INPP4B: variants seen among roughly 807,000 people sequenced by gnomAD.
The protein encoded by INPP4B is inositol polyphosphate-4-phosphatase type II B.
A neutral mutation model predicts 122.5 loss-of-function variants in INPP4B; 55 were observed. That is an observed-to-expected ratio of 0.45 (90% CI 0.36 to 0.56). The LOEUF (loss-of-function observed/expected upper bound fraction) is 0.56, where lower values mean the gene tolerates loss of function less well. Among genes scored for constraint, INPP4B ranks in the 20% least tolerant of loss-of-function variants. The pLI, the probability that INPP4B is intolerant of heterozygous loss-of-function variation, is 0.00. For synonymous variants in INPP4B, 403 were observed against 388.7 expected (o/e 1.04, Z -0.43); for missense variants, 1,000 against 1,097.7 (o/e 0.91, Z 1.26).
chr4:142,275,229 G>T lies in INPP4B; in HGVS notation c.504-4455C>A, dbSNP rs561728450. ...TCAAAACTTCTTTCTCACCAATTCT[G>T]CCATCATTAATAGAGGGAAAAAAAG... is the stretch of plus-strand genomic sequence containing the variant. On this transcript the variant is annotated intron_variant, in intron 9 of 25. Coordinates refer to ENST00000262992, the MANE Select transcript of INPP4B (RefSeq NM_001101669.3). Among the ~76,000 whole-genome samples, 165 of 151,628 alleles carry T rather than the reference G, an allele frequency of 1.1e-3. 1 individual carries two copies. The highest frequency in any genetic ancestry group is 3.9e-3 in the African/African-American group (163 of 41,448).
At chr4:142,549,992 T>C (rs1727583151) in intron 2 of INPP4B, among the ~76,000 whole-genome samples, 1 of 152,138 alleles carries the variant, frequency 6.6e-6, no homozygotes, top group Non-Finnish European at 1.5e-5. Flanking sequence ...AAAAGCCAGG[T>C]GCATTTGAGC....
In INPP4B at chr4:142,142,078, C is replaced by T. The variant is rs371514878; in HGVS notation, c.1720+3762G>A. On this transcript the variant is annotated intron_variant, in intron 18 of 25. Coordinates refer to ENST00000262992, the MANE Select transcript of INPP4B (RefSeq NM_001101669.3). ...CTAACAAATGATGCTGCAACAAATG[C>T]TTATCAGTATTTATCATATCATACA... 1.5e-4 allele frequency among the ~76,000 whole-genome samples: 23 copies of T among 152,056 alleles called. No individual in the cohort carries two copies. In the East Asian group the frequency reaches 3.9e-3, roughly 26 times the overall value.
intron 1 of INPP4B, among the ~76,000 whole-genome samples, chr4:142,806,981 A>G (rs994360624): frequency 6.6e-6 from 1 of 152,272 alleles, no homozygotes; most frequent in East Asian, 1.9e-4. Context: ...GCCCCTCAAC[A>G]TGTTCATCCG....
chr4:142,518,357 A>G (rs1267876858), intron 2 of INPP4B, among the ~76,000 whole-genome samples: 1 of 152,202 alleles, frequency 6.6e-6, no homozygotes, highest in Non-Finnish European at 1.5e-5. Flanking sequence ...CACAAACATT[A>G]ATATAAAAAA....
At chr4:142,428,081 T>A (rs908362926) in intron 5 of INPP4B, among the ~76,000 whole-genome samples, 43 of 151,798 alleles carry the variant, frequency 2.8e-4, no homozygotes, top group African/African-American at 9.9e-4. Context: ...CTATATTTTT[T>A]AAAAATAATG....
At chr4:142,206,706 C>A (rs1391028238) in intron 14 of INPP4B, among the ~76,000 whole-genome samples, 3 of 151,930 alleles carry the variant, frequency 2.0e-5, no homozygotes, top group African/African-American at 7.2e-5. Context: ...ACTCTTTAAA[C>A]CATTACCACG....
At chr4:142,515,332 G>A (rs1825287549) in intron 2 of INPP4B, among the ~76,000 whole-genome samples, 2 of 152,116 alleles carry the variant, frequency 1.3e-5, no homozygotes, top group South Asian at 4.1e-4. Context: ...CAGACTTCTT[G>A]TCAAGTTTCC....
At chr4:142,499,932 G>A (rs1020516686) in intron 2 of INPP4B, among the ~76,000 whole-genome samples, 6 of 152,000 alleles carry the variant, frequency 3.9e-5, no homozygotes, top group East Asian at 3.9e-4. Flanking sequence ...TAATACAACC[G>A]TCGCTGAAAA....
intron 22 of INPP4B, among the ~76,000 whole-genome samples, chr4:142,109,099 C>T (rs886154212): frequency 6.6e-6 from 1 of 151,848 alleles, no homozygotes; most frequent in Admixed American, 6.6e-5. Context: ...CCTCACCTTA[C>T]CCACTATTCC....
chr4:142,799,245 CT>C (rs1777686986), intron 1 of INPP4B, among the ~76,000 whole-genome samples: 1 of 151,726 alleles, frequency 6.6e-6, no homozygotes, highest in African/African-American at 2.4e-5. Context: ...TTACTTTCTC[CT>C]CATTACTTTC....
At chr4:142,737,683 G>A (rs983916615) in intron 1 of INPP4B, among the ~76,000 whole-genome samples, 23 of 152,034 alleles carry the variant, frequency 1.5e-4, no homozygotes, top group African/African-American at 4.1e-4. Context: ...GCAACCTACA[G>A]AATGGGAGAA....
At chr4:142,235,975 A>G (rs1342587886) in intron 12 of INPP4B, among the ~76,000 whole-genome samples, 1 of 152,244 alleles carries the variant, frequency 6.6e-6, no homozygotes, top group Non-Finnish European at 1.5e-5. Context: ...AACTGTAATT[A>G]GAAATCTAGT....
chr4:142,237,572 C>G (rs968942259), intron 12 of INPP4B, among the ~76,000 whole-genome samples: 2 of 151,888 alleles, frequency 1.3e-5, no homozygotes, highest in Admixed American at 1.3e-4. Context: ...TTGGACTAGT[C>G]ATATCTCAAG....
At chr4:142,380,591 T>C (rs1302334986) in intron 7 of INPP4B, among the ~76,000 whole-genome samples, 2 of 152,158 alleles carry the variant, frequency 1.3e-5, no homozygotes, top group Non-Finnish European at 2.9e-5. Context: ...TAAATGATAT[T>C]TATTTTATTA....
rs1181176473 is a variant in INPP4B at position 142,456,292 on chromosome 4, A to G, written c.-127+6371T>C. On this transcript the variant is annotated intron_variant, in intron 3 of 25. Coordinates refer to ENST00000262992, the MANE Select transcript of INPP4B (RefSeq NM_001101669.3). ...GTAGTTTTATAGTTTGAGGTCTTAG[A>G]TGTAAATCTTTAATTCATTTTGATT... Among the ~76,000 whole-genome samples the G allele has an allele frequency of 5.9e-5, 9 of 152,164 alleles. No individual in the cohort carries two copies. The East Asian group carries it at 1.7e-3, about 29-fold the overall frequency.
intron 1 of INPP4B, among the ~76,000 whole-genome samples, chr4:142,789,956 A>G (rs1372079038): frequency 6.6e-6 from 1 of 152,114 alleles, no homozygotes; most frequent in Non-Finnish European, 1.5e-5. Context: ...CTGATCTTCA[A>G]CAAAGCAATA....
chr4:142,669,563 C>A (rs1166031394), intron 2 of INPP4B, among the ~76,000 whole-genome samples: 1 of 152,074 alleles, frequency 6.6e-6, no homozygotes, highest in Non-Finnish European at 1.5e-5. Context: ...TACAATAAAG[C>A]ACAGTTCTTT....
rs1197223066 is a variant in INPP4B at position 142,192,906 on chromosome 4, G to C, written c.1181+181C>G. Among the ~76,000 whole-genome samples, 5 of 152,124 alleles carry C rather than the reference G, an allele frequency of 3.3e-5. No individual in the cohort carries two copies. In the East Asian group the frequency reaches 9.6e-4, roughly 29 times the overall value. ...GCCACTAACTAAGCAAGACACTTAG[G>C]CAATTTGTTTAATCTAATTTCTTCT... is the stretch of plus-strand genomic sequence containing the variant. On this transcript the variant is annotated intron_variant, in intron 15 of 25. Coordinates refer to ENST00000262992, the MANE Select transcript of INPP4B (RefSeq NM_001101669.3).
intron 2 of INPP4B, among the ~76,000 whole-genome samples, chr4:142,545,493 A>G: frequency 6.6e-6 from 1 of 152,098 alleles, no homozygotes; most frequent in South Asian, 2.1e-4. Context: ...TATGATAACC[A>G]AAGAGAAAAC....
Sources: allele counts gnomAD v4.1 joint callset (sites outside exome capture counted in the v4.1 genomes callset), GRCh38; gene constraint gnomAD v4.1.1; transcripts MANE v1.5; gene names NCBI Gene and HGNC (gene_info 2026-07-23, HGNC 2026-07-21).